Variants in NEBL observed in about 807,000 individuals in gnomAD.
The protein encoded by NEBL is LIM and SH3 protein 2.
NEBL carries 122 observed loss-of-function variants against 140.2 expected under a neutral mutation model. That is an observed-to-expected ratio of 0.87 (90% CI 0.75 to 1.01). NEBL has a LOEUF of 1.01. Ranked by LOEUF, NEBL falls within the 50% of genes least tolerant of loss-of-function variation. The pLI is 0.00. For synonymous variants in NEBL, 436 were observed against 398.9 expected (o/e 1.09, Z -1.11); for missense variants, 1,365 against 1,231.3 (o/e 1.11, Z -1.62).
chr10:20,865,670 T>C (rs528647722), intron 7 of NEBL, among the ~76,000 whole-genome samples: 1 of 152,340 alleles, frequency 6.6e-6, no homozygotes, highest in African/African-American at 2.4e-5. Context: ...ACTGGGAATA[T>C]GTAGAGCTTA....
At chr10:21,010,903 C>T (rs1838313789) in intron 3 of NEBL, among the ~76,000 whole-genome samples, 1 of 152,208 alleles carries the variant, frequency 6.6e-6, no homozygotes, top group Non-Finnish European at 1.5e-5. Flanking sequence ...TGCCCATCAA[C>T]TTCCCTCAAA....
intron 4 of NEBL, among the ~76,000 whole-genome samples, chr10:20,909,525 C>G (rs188978496): frequency 6.6e-6 from 1 of 152,048 alleles, no homozygotes; most frequent in African/African-American, 2.4e-5. Flanking sequence ...TAGAGCCTGC[C>G]TTTTCTACAT....
In NEBL at chr10:20,814,350, C is replaced by T. The variant is rs193128932; in HGVS notation, c.2242-307G>A. Among the ~76,000 whole-genome samples, 521 of 151,756 alleles carry T rather than the reference C, an allele frequency of 3.4e-3. 2 individuals are homozygous for T. The highest frequency in any genetic ancestry group is 0.012 in the African/African-American group (498 of 41,332). On this transcript the variant is annotated intron_variant, in intron 22 of 27. Coordinates refer to ENST00000377122, the MANE Select transcript of NEBL (RefSeq NM_006393.3). ...AGGACTCGTATCTGTAATCACAGCA[C>T]TTTGGAAAGCTAAGGTGGGAGGATG...
intron 4 of NEBL, among the ~76,000 whole-genome samples, chr10:20,946,109 G>A (rs893409763): frequency 6.6e-6 from 1 of 152,128 alleles, no homozygotes; most frequent in African/African-American, 2.4e-5. Context: ...TACGAACAGG[G>A]ATGCACAGAT....
In NEBL at chr10:21,258,693, G is replaced by A. The variant is rs186349583; in HGVS notation, n.183-6865C>T. ...GCACTCCAGCCTGGGTGACAAAAGCGAAACACCATCTCAAAAAAAATAATA... is the reference window on the plus strand; with the variant it reads ...GCACTCCAGCCTGGGTGACAAAAGCAAAACACCATCTCAAAAAAAATAATA... On this transcript the variant is annotated intron_variant and non_coding_transcript_variant, in intron 1 of 8. Transcript: ENST00000675702. Among the ~76,000 whole-genome samples, 6 of 150,708 alleles carry A rather than the reference G, an allele frequency of 4.0e-5. No homozygotes were observed. The East Asian group carries it at 5.9e-4, about 15-fold the overall frequency.
In NEBL at chr10:20,817,748, C is replaced by T. The variant is rs542367697; in HGVS notation, c.2056-56G>A. The T allele has an allele frequency of 4.4e-6, 6 of 1,353,188 alleles. No individual in the cohort carries two copies. The Admixed American group carries it at 6.7e-5, about 15-fold the overall frequency. 83.8% of individuals were successfully genotyped at this position (1,353,188 alleles called of 1,614,324 possible). ...TAGCACAATGGGCTCCACTGAAATA[C>T]CACAAAGGACAAGGCTCAAAATTAG... On this transcript the variant is annotated intron_variant, in intron 20 of 27. Coordinates refer to ENST00000377122, the MANE Select transcript of NEBL (RefSeq NM_006393.3).
rs969546880 is a variant in NEBL, at chr10:20,988,639, T to A, written c.250-26860A>T. 5.9e-5 allele frequency among the ~76,000 whole-genome samples: 9 copies of A among 152,200 alleles called. 1 individual carries two copies. The highest frequency in any genetic ancestry group is 1.3e-4 in the Non-Finnish European group (9 of 68,044). The stretch of plus-strand genomic sequence containing the variant: ...GGTCACTGCCATTAGCATACACACA[T>A]ACTGTGTCACCTAGATCCCTGTTTT... On this transcript the variant is annotated intron_variant, in intron 3 of 6. Transcript: ENST00000417816.
chr10:20,830,835 T>C (rs1199694846), intron 16 of NEBL, among the ~76,000 whole-genome samples: 1 of 149,528 alleles, frequency 6.7e-6, no homozygotes, highest in Admixed American at 6.7e-5. Flanking sequence ...GCCCAGGAGT[T>C]TGAGGCTGCA....
chr10:21,232,141 TC>T (rs1308968353), intron 3 of NEBL, among the ~76,000 whole-genome samples: 1 of 151,316 alleles, frequency 6.6e-6, no homozygotes, highest in African/African-American at 2.4e-5. Context: ...TTTTTTTCTC[TC>T]TCTCTCTCTT....
At chr10:20,792,173 TTAAC>T (rs1453617477) in intron 26 of NEBL, among the ~76,000 whole-genome samples, 4 of 151,574 alleles carry the variant, frequency 2.6e-5, no homozygotes, top group African/African-American at 7.3e-5. Flanking sequence ...AAATGGTACT[TTAAC>T]TATAGATGTA....
upstream of NEBL, among the ~76,000 whole-genome samples, chr10:21,179,377 C>G (rs940122689): frequency 2.0e-5 from 3 of 152,150 alleles, no homozygotes; most frequent in African/African-American, 7.2e-5. Flanking sequence ...ACCACTGAGG[C>G]CAGCTGCTCT....
chr10:20,838,933 A>G (rs149814553), intron 13 of NEBL, among the ~76,000 whole-genome samples: 88 of 152,330 alleles, frequency 5.8e-4, no homozygotes, highest in Middle Eastern at 3.4e-3. Context: ...TGGTATAAAC[A>G]TAACATGTAT....
intron 3 of NEBL, among the ~76,000 whole-genome samples, chr10:21,221,932 T>C (rs1417133504): frequency 1.3e-5 from 2 of 152,008 alleles, no homozygotes; most frequent in Non-Finnish European, 2.9e-5. Flanking sequence ...CCTGACTGCA[T>C]GGCGTTGAGT....
At chr10:21,112,150 G>A (rs889424344) in intron 2 of NEBL, among the ~76,000 whole-genome samples, 5 of 152,060 alleles carry the variant, frequency 3.3e-5, no homozygotes, top group African/African-American at 9.7e-5. Context: ...TGGGAGTGTA[G>A]ATTAGTTCAA....
intron 2 of NEBL, among the ~76,000 whole-genome samples, chr10:21,053,427 T>A (rs1038332170): frequency 6.6e-6 from 1 of 152,232 alleles, no homozygotes; most frequent in Non-Finnish European, 1.5e-5. Context: ...AAGAATATTA[T>A]CTATGATTGT....
At chr10:21,151,987 C>T (rs571827256) in intron 2 of NEBL, among the ~76,000 whole-genome samples, 3 of 152,344 alleles carry the variant, frequency 2.0e-5, no homozygotes, top group South Asian at 4.1e-4. Context: ...CTCACTGCCA[C>T]ATTCCAAGTA....
upstream of NEBL, chr10:20,899,664 C>T (rs1435537202): frequency 6.4e-6 from 2 of 311,380 alleles, no homozygotes; most frequent in Admixed American, 9.6e-5. Context: ...ATTTACAAAG[C>T]CATTCAATGA....
chr10:20,820,624 G>A (rs186524057), intron 19 of NEBL, among the ~76,000 whole-genome samples: 146 of 152,196 alleles, frequency 9.6e-4, no homozygotes, highest in African/African-American at 3.3e-3. Flanking sequence ...TCATGAGTTC[G>A]AGACCAGCCT....
At chr10:21,008,926 A>T (rs979106880) in intron 3 of NEBL, among the ~76,000 whole-genome samples, 5 of 151,384 alleles carry the variant, frequency 3.3e-5, no homozygotes, top group African/African-American at 1.2e-4. Flanking sequence ...TGTATATTAC[A>T]TATAATATTT....
Sources: allele counts gnomAD v4.1 joint callset (sites outside exome capture counted in the v4.1 genomes callset), GRCh38; gene constraint gnomAD v4.1.1; transcripts MANE v1.5; gene names NCBI Gene and HGNC (gene_info 2026-07-23, HGNC 2026-07-21).